The following SH3TC1 variants were observed in gnomAD, a reference collection of about 807,000 sequenced individuals.
The protein encoded by SH3TC1 is SH3 domain and tetratricopeptide repeat-containing protein 1.
Under a neutral mutation model 117.3 loss-of-function variants are expected in SH3TC1, and 135 were observed. That is an observed-to-expected ratio of 1.15 (90% CI 1.00 to 1.33). SH3TC1 has a LOEUF of 1.33. Among genes scored for constraint, SH3TC1 ranks in the 40% most tolerant of loss-of-function variants. SH3TC1 has a pLI of 0.00. For missense variants in SH3TC1, 2,092 were observed against 1,794.3 expected, an observed-to-expected ratio of 1.17 and a Z score of -3.00; for synonymous variants, 898 against 816.9, an observed-to-expected ratio of 1.10 and a Z score of -1.69.
intron 17 of SH3TC1, 69 bp downstream of exon 17, chr4:8,237,739 T>C: frequency 1.4e-6 from 2 of 1,472,460 alleles, no homozygotes; most frequent in South Asian, 1.4e-5. Flanking sequence ...CCCAGACCCC[T>C]GAGGCATGTG....
chr4:8,195,204 T>C (rs541520586), upstream of SH3TC1, among the ~76,000 whole-genome samples: 1 of 152,272 alleles, frequency 6.6e-6, no homozygotes, highest in East Asian at 1.9e-4. Context: ...AAGTGACAAT[T>C]TGAATTTATT....
rs139646263 is a variant in SH3TC1 at position 8,209,238 on chromosome 4, G to C, written c.173-510G>C. 3.9e-3 allele frequency among the ~76,000 whole-genome samples: 593 copies of C among 152,352 alleles called. 5 individuals are homozygous for C. The highest frequency in any genetic ancestry group is 0.011 in the African/African-American group (469 of 41,580). ...AGATGTGATCAAAGGCAAGGATCTC[G>C]AGATGGAGAGATGATCCCGGATGCT... On this transcript the variant is annotated intron_variant, in intron 2 of 17. Transcript: ENST00000245105. The surrounding 1 kb of genome is among the most constrained non-coding windows in gnomAD (Gnocchi z 5.9).
intron 12 of SH3TC1, among the ~76,000 whole-genome samples, chr4:8,230,336 A>G (rs1228347658): frequency 2.6e-5 from 4 of 152,074 alleles, no homozygotes; most frequent in Admixed American, 6.5e-5. Context: ...GGGTCTCGTC[A>G]TGTTCCCCCA....
In SH3TC1 at chr4:8,205,412, T is replaced by A; in HGVS notation, c.172+46T>A. On this transcript the variant is annotated intron_variant, in intron 2 of 17. Coordinates refer to ENST00000245105, the MANE Select transcript of SH3TC1 (RefSeq NM_018986.5). The surrounding 1 kb of genome is among the most constrained non-coding windows in gnomAD (Gnocchi z 5.4). ...CCACCCGCCCTCCATCCCACCCACTTCTCCACCCCACCCGCCCCGTCCATC... is the reference window on the plus strand; with the variant it reads ...CCACCCGCCCTCCATCCCACCCACTACTCCACCCCACCCGCCCCGTCCATC... 1 of 1,488,034 alleles carries A rather than the reference T, an allele frequency of 6.7e-7. No individual in the cohort carries two copies. Among genetic ancestry groups the A allele is most frequent in the Non-Finnish European group, 9.0e-7 (1 of 1,112,078 alleles). The allele number at this position is 1,488,034 out of a possible 1,614,324, so 92.2% of individuals were successfully genotyped here. A position where few individuals can be genotyped will look rare whatever the true frequency, so the allele number is the denominator to read the frequency against.
In SH3TC1 at chr4:8,209,662, C is replaced by A. The variant is rs936638821; in HGVS notation, c.173-86C>A. ...GGGACAGAACTCACCTCTTTTCTTG[C>A]AGAGAGACCTGGAGCGTTTGGCGCC... On this transcript the variant is annotated intron_variant, in intron 2 of 17. Transcript: ENST00000245105. The surrounding 1 kb of genome is among the most constrained non-coding windows in gnomAD (Gnocchi z 5.9). 1.3e-6 allele frequency: 2 copies of A among 1,580,362 alleles called. No homozygotes were observed. The highest frequency in any genetic ancestry group is 1.8e-5 in the Admixed American group (1 of 54,752).
intron 1 of SH3TC1, among the ~76,000 whole-genome samples, chr4:8,204,196 C>T (rs1332667676): frequency 6.6e-6 from 1 of 152,204 alleles, no homozygotes; most frequent in Non-Finnish European, 1.5e-5. Flanking sequence ...GGCTTCAAGC[C>T]AGGAGCAAGG....
rs147442685 is a variant in SH3TC1, at chr4:8,233,376, G to C, written c.3145G>C (p.Ala1049Pro). The change falls in exon 14 of 18, where the codon GCA becomes CCA. Residue 1049 changes from alanine (A) to proline (P), a missense_variant. Ala to Pro is a conservative substitution (Grantham distance 27). Coordinates refer to ENST00000245105, the MANE Select transcript of SH3TC1 (RefSeq NM_018986.5). Reference protein sequence around the residue: ...SLGTERAYKSALDYTKRSLGI... With the variant: ...SLGTERAYKSPLDYTKRSLGI... ...GTCTGATACCAGGGCCTACAAATCCGCACTGGACTACACCAAACGAAGTCT... is the reference window on the plus strand; with the variant it reads ...GTCTGATACCAGGGCCTACAAATCCCCACTGGACTACACCAAACGAAGTCT... 86 of 1,610,944 alleles carry C rather than the reference G, an allele frequency of 5.3e-5. No individual in the cohort carries two copies. Among genetic ancestry groups the C allele is most frequent in the Non-Finnish European group, 7.0e-5 (82 of 1,178,650 alleles).
chr4:8,236,271 G>C lies in SH3TC1; in HGVS notation c.3406-7G>C. The C allele has an allele frequency of 2.6e-6, 4 of 1,544,716 alleles. No individual in the cohort carries two copies. The highest frequency in any genetic ancestry group is 3.5e-6 in the Non-Finnish European group (4 of 1,144,016). ...GGGAAGCCTGACCCCACCTGCCTGTGTGGCAGGACCGGGCCCTGCCCCTGG... is the reference window on the plus strand; with the variant it reads ...GGGAAGCCTGACCCCACCTGCCTGTCTGGCAGGACCGGGCCCTGCCCCTGG... On this transcript the variant is annotated splice_polypyrimidine_tract_variant and splice_region_variant and intron_variant, in intron 15 of 17. Transcript: ENST00000245105.
In SH3TC1 at chr4:8,225,048, C is replaced by A; in HGVS notation, c.1244-127C>A. On this transcript the variant is annotated intron_variant, in intron 10 of 17. Coordinates refer to ENST00000245105, the MANE Select transcript of SH3TC1 (RefSeq NM_018986.5). This position sits in a 1 kb window ranked among gnomAD's most constrained non-coding sequence, Gnocchi z 5.5. Reference sequence around the variant, plus strand: ...AGCCCGCAACACCAGCACCCTGCAACATCTCAGCCCTCAATACCTGCACCC... The same window carrying A: ...AGCCCGCAACACCAGCACCCTGCAAAATCTCAGCCCTCAATACCTGCACCC... The A allele has an allele frequency of 8.7e-7, 1 of 1,147,042 alleles. No homozygotes were observed. The highest frequency in any genetic ancestry group is 1.3e-6 in the Non-Finnish European group (1 of 790,452). The allele number at this position is 1,147,042 out of a possible 1,614,324, so 71.1% of individuals were successfully genotyped here.
chr4:8,222,443 G>A (rs887725913), intron 9 of SH3TC1, among the ~76,000 whole-genome samples: 3 of 133,736 alleles, frequency 2.2e-5, no homozygotes, highest in African/African-American at 8.6e-5. Context: ...GTGTGAACTC[G>A]GCTCACTGCA....
rs1256941372 is a variant in SH3TC1, at chr4:8,190,545, T to C, written c.-57+8335T>C. ...GCCTTGCAGCCCCTGCTGTGTGCCC[T>C]CATCTGGGACCTTCTCCTCTGTGCA... On this transcript the variant is annotated intron_variant, in intron 1 of 16. Transcript: ENST00000508641. The surrounding 1 kb of genome is among the most constrained non-coding windows in gnomAD (Gnocchi z 4.7). Among the ~76,000 whole-genome samples the C allele has an allele frequency of 6.6e-6, 1 of 152,044 alleles. No individual in the cohort carries two copies. The highest frequency in any genetic ancestry group is 1.5e-5 in the Non-Finnish European group (1 of 67,986).
rs369406942 is a variant in SH3TC1 at position 8,237,677 on chromosome 4, G to A, written c.3753+7G>A. ...CATCTTCTACGACCTGAAGGTGGGT[G>A]GGGAGGGGCTGGGCTCAGGGTGTTC... On this transcript the variant is annotated splice_region_variant and intron_variant, in intron 17 of 17. Transcript: ENST00000245105. 3 of 1,591,910 alleles carry A rather than the reference G, an allele frequency of 1.9e-6. No homozygotes were observed. Among genetic ancestry groups the A allele is most frequent in the Non-Finnish European group, 1.7e-6 (2 of 1,166,642 alleles).
intron 13 of SH3TC1, chr4:8,232,936 C>T: frequency 8.4e-7 from 1 of 1,193,298 alleles, no homozygotes; most frequent in Non-Finnish European, 1.1e-6. Flanking sequence ...AGGGCCCGCC[C>T]CAGGCCCGTG....
chr4:8,233,012 T>C, intron 13 of SH3TC1: 5 of 1,201,172 alleles, frequency 4.2e-6, no homozygotes, highest in Non-Finnish European at 5.3e-6. Flanking sequence ...CTGTGATGCC[T>C]GCGCACCTTG....
chr4:8,200,627 G>A (rs552946262), intron 1 of SH3TC1, among the ~76,000 whole-genome samples: 1 of 152,238 alleles, frequency 6.6e-6, no homozygotes, highest in Non-Finnish European at 1.5e-5. Flanking sequence ...AGAAGAGCAA[G>A]GCAGGGCCCA....
rs572665034 is a variant in SH3TC1, at chr4:8,237,413, G to T, written c.3557-61G>T. ...TGGAGGCGAGCCAGGTGCTGCCGGG[G>T]TCTGCATGCCTGCCCCGGGGAGCCA... On this transcript the variant is annotated intron_variant, in intron 16 of 17. Transcript: ENST00000245105. 1.6e-5 allele frequency: 21 copies of T among 1,340,636 alleles called. No homozygotes were observed. In the East Asian group the frequency reaches 3.3e-4, roughly 21 times the overall value. 83.0% of individuals were successfully genotyped at this position (1,340,636 alleles called of 1,614,324 possible).
At chr4:8,218,721 CG>C (rs1238734096) in intron 8 of SH3TC1, among the ~76,000 whole-genome samples, 2 of 152,250 alleles carry the variant, frequency 1.3e-5, no homozygotes, top group African/African-American at 4.8e-5. Context: ...CCATGGGAAA[CG>C]CCTGGAAGGC....
chr4:8,232,519 C>T (rs148923318), intron 13 of SH3TC1: 7 of 1,385,856 alleles, frequency 5.1e-6, no homozygotes, highest in Non-Finnish European at 6.7e-6. Flanking sequence ...CTGGCCTTCA[C>T]CTGTCCCCTT....
In SH3TC1 at chr4:8,209,792, C is replaced by A. The variant is rs776369087; in HGVS notation, c.217C>A (p.Pro73Thr). 1.2e-6 allele frequency: 2 copies of A among 1,613,500 alleles called. No homozygotes were observed. Among genetic ancestry groups the A allele is most frequent in the South Asian group, 2.2e-5 (2 of 91,038 alleles). ...CGTGGCTGGGCCTGCTGCTGGGACC[C>A]CTCCCTGCCAGATGGGGGTTTATCC... ...ARVAGPAAGT[P>T]PCQMGVYPTD... The change falls in exon 3 of 18, where the codon CCT becomes ACT. Residue 73 changes from proline (P) to threonine (T), a missense_variant. Physicochemically the swap from Pro to Thr is conservative, Grantham distance 38 (BLOSUM62 -1). Transcript: ENST00000245105. This position sits in a 1 kb window ranked among gnomAD's most constrained non-coding sequence, Gnocchi z 5.9.
Sources: allele counts gnomAD v4.1 joint callset (sites outside exome capture counted in the v4.1 genomes callset), GRCh38; gene constraint gnomAD v4.1.1; non-coding constraint Gnocchi (gnomAD v3.1); transcripts MANE v1.5; gene names NCBI Gene and HGNC (gene_info 2026-07-23, HGNC 2026-07-21).